The following PTPRF variants were observed in gnomAD, a reference collection of about 807,000 sequenced individuals.
The protein encoded by PTPRF is receptor-type tyrosine-protein phosphatase F.
In PTPRF, 59 loss-of-function variants were observed where a neutral mutation model predicts 201.8. The ratio of observed to expected loss-of-function variants is 0.29; its 90% CI spans 0.24 to 0.36. The LOEUF (loss-of-function observed/expected upper bound fraction) is 0.36, where lower values mean the gene tolerates loss of function less well. Ranked by LOEUF, PTPRF falls within the 10% of genes least tolerant of loss-of-function variation. The pLI is 1.00. For synonymous variants in PTPRF, 1,088 were observed against 1,089.7 expected, an observed-to-expected ratio of 1.00 and a Z score of 0.03; for missense variants, 2,132 against 2,690.5, an observed-to-expected ratio of 0.79 and a Z score of 4.59.
In PTPRF at chr1:43,613,676, C is replaced by G. The variant is rs747240097; in HGVS notation, c.4032C>G (p.Leu1344=). The change falls in exon 23 of 34, where the codon CTC becomes CTG. Residue 1344 remains leucine, a synonymous_variant. Coordinates refer to ENST00000359947, the MANE Select transcript of PTPRF (RefSeq NM_002840.5). The part of the protein sequence containing the change: ...ITDLADNIER[L]KANDGLKFSQ... ...ACCTGGCGGACAACATCGAGCGCCT[C>G]AAAGCCAACGATGGCCTCAAGTTCT... is the stretch of plus-strand genomic sequence containing the variant. The G allele has an allele frequency of 1.9e-6, 3 of 1,614,204 alleles. No homozygotes were observed. The highest frequency in any genetic ancestry group is 1.3e-5 in the African/African-American group (1 of 75,064).
intron 20 of PTPRF, among the ~76,000 whole-genome samples, 166 bp downstream of exon 20, chr1:43,606,624 C>T (rs1010200204): frequency 6.6e-6 from 1 of 152,138 alleles, no homozygotes; most frequent in Non-Finnish European, 1.5e-5. Flanking sequence ...TCCTAAGACG[C>T]GGCCCTGGGA....
Position 43,606,850 on chromosome 1 carries a change from G to C in PTPRF, c.3739G>C (p.Val1247Leu), listed in dbSNP as rs371253686. Residue 1247 changes from valine to leucine, a missense_variant, in exon 21 of 34, where the codon GTG (valine) becomes CTG (leucine). By Grantham distance (32) the Val-to-Leu change is conservative (BLOSUM62 1). This residue lies in a region of PTPRF where 818 missense variants were observed against 915.3 expected (regional missense o/e 0.89). Coordinates refer to ENST00000359947, the MANE Select transcript of PTPRF (RefSeq NM_002840.5). ...CTCCAGCCCCTACTCGGATGAGATC[G>C]TGGTCCAGGTGACACCAGCCCAGCA... ...YASSPYSDEI[V>L]VQVTPAQQQE... 141 of 1,613,990 alleles carry C rather than the reference G, an allele frequency of 8.7e-5. No homozygotes were observed. The highest frequency in any genetic ancestry group is 1.0e-4 in the Non-Finnish European group (120 of 1,180,040).
chr1:43,561,217 C>CCTGGG lies in PTPRF; in HGVS notation c.379+7286_379+7290dup, dbSNP rs1231974017. On this transcript the variant is annotated intron_variant, in intron 5 of 33. Transcript: ENST00000359947. ...GACATATGACCCTGTCCTGAGGTAT[C>CCTGGG]CTGGGCTGGGCTGGAACTGGAGCAG... is the stretch of plus-strand genomic sequence containing the variant. Among the ~76,000 whole-genome samples, 6 of 152,270 alleles carry CCTGGG rather than the reference C, an allele frequency of 3.9e-5. No individual in the cohort carries two copies. The East Asian group carries it at 7.7e-4, about 20-fold the overall frequency.
At chr1:43,605,102 T>TTCC in intron 17 of PTPRF, 88 bp from the exon 18 acceptor site, 4 of 1,576,486 alleles carry the variant, frequency 2.5e-6, no homozygotes, top group Non-Finnish European at 3.5e-6. Flanking sequence ...GGAGCAGGAA[T>TTCC]GTGGTTGTGT....
Position 43,554,027 on chromosome 1 carries a change from T to G in PTPRF, c.379+86T>G. On this transcript the variant is annotated intron_variant, in intron 5 of 33. Coordinates refer to ENST00000359947, the MANE Select transcript of PTPRF (RefSeq NM_002840.5). This position sits in a 1 kb window ranked among gnomAD's most constrained non-coding sequence, Gnocchi z 4.1. ...CAGCCCTGATCCTGTCCTGGGCCCA[T>G]GTGCATTTGGCAGAAAGGAGGACTG... 2 of 1,533,990 alleles carry G rather than the reference T, an allele frequency of 1.3e-6. No homozygotes were observed. Among genetic ancestry groups the G allele is most frequent in the Non-Finnish European group, 8.8e-7 (1 of 1,132,270 alleles).
rs1287556112 is a variant in PTPRF at position 43,621,999 on chromosome 1, C to T, written c.5720C>T (p.Thr1907Met). The change falls in exon 34 of 34, where the codon ACG becomes ATG. Residue 1907 changes from threonine to methionine, a missense_variant. Thr to Met is a moderately conservative substitution (Grantham distance 81). Around this residue, in one of 6 missense-constraint regions of PTPRF, gnomAD observed 519 missense variants for 659.5 expected, o/e 0.79. Coordinates refer to ENST00000359947, the MANE Select transcript of PTPRF (RefSeq NM_002840.5). ...CTCGGCAGCTTTGACCACTATGCAA[C>T]GTAACTACCGCTCCCCTCTCCTCCG... is the stretch of plus-strand genomic sequence containing the variant. ...EYLGSFDHYA[T>M] is the part of the protein sequence containing the mutation. The T allele has an allele frequency of 3.1e-6, 5 of 1,614,082 alleles. No individual in the cohort carries two copies. Among genetic ancestry groups the T allele is most frequent in the South Asian group, 1.1e-5 (1 of 91,084 alleles).
At chr1:43,584,947 T>C (rs751397057) in intron 7 of PTPRF, among the ~76,000 whole-genome samples, 4 of 152,230 alleles carry the variant, frequency 2.6e-5, no homozygotes, top group Non-Finnish European at 4.4e-5. Context: ...CGCCCTATTA[T>C]AGGGGGTTGT....
chr1:43,619,048 A>T lies in PTPRF; in HGVS notation c.4492A>T (p.Ser1498Cys). Residue 1498 changes from serine (S) to cysteine (C), a missense_variant and splice_region_variant, in exon 27 of 34, where the codon AGT (serine) becomes TGT (cysteine). By Grantham distance (112) the Ser-to-Cys change is moderately radical. Around this residue, in one of 6 missense-constraint regions of PTPRF, gnomAD observed 519 missense variants for 659.5 expected, o/e 0.79. Transcript: ENST00000359947. ...AGTATGTCCCCACTTTGTCCCCCAG[A>T]GTGGCTCCAGTGAGAAGCGCGAGCT... is the stretch of plus-strand genomic sequence containing the variant. ...YTVRTFALHKSGSSEKRELRQ... is the reference protein window; with the variant it reads ...YTVRTFALHKCGSSEKRELRQ... 6.2e-7 allele frequency: 1 copy of T among 1,612,522 alleles called. No homozygotes were observed. Among genetic ancestry groups the T allele is most frequent in the Non-Finnish European group, 8.5e-7 (1 of 1,178,784 alleles).
chr1:43,579,135 G>T, intron 7 of PTPRF: 1 of 705,826 alleles, frequency 1.4e-6, no homozygotes, highest in Non-Finnish European at 2.6e-6. Flanking sequence ...GCAGGCCCAT[G>T]GGGAAGCAGC....
chr1:43,545,043 GGGCTGTGGCT>G lies in PTPRF; in HGVS notation c.-24_-15del, dbSNP rs1383040065. On this transcript the variant is annotated 5_prime_UTR_variant, in exon 3 of 34. Transcript: ENST00000359947. ...CTCTCCATTACAGGTTGATTGTCCT[GGGCTGTGGCT>G]GGCTGTGGAGCTAGAGCCCTGGATG... The G allele has an allele frequency of 6.5e-7, 1 of 1,538,234 alleles. No homozygotes were observed. The highest frequency in any genetic ancestry group is 2.0e-5 in the Admixed American group (1 of 50,996).
rs1165766564 is a variant in PTPRF, at chr1:43,619,294, C to T, written c.4653C>T (p.Gly1551=). The part of the protein sequence containing the change: ...AGPMVVHCSA[G]VGRTGCFIVI... ...CTGAGCCCGTGTCCTGCAGCGCGGG[C>T]GTGGGCCGCACCGGCTGCTTCATCG... is the stretch of plus-strand genomic sequence containing the variant. The change falls in exon 28 of 34, where the codon GGC becomes GGT. Residue 1551 remains glycine (G), a synonymous_variant. Coordinates refer to ENST00000359947, the MANE Select transcript of PTPRF (RefSeq NM_002840.5). 1.9e-6 allele frequency: 3 copies of T among 1,613,210 alleles called. No individual in the cohort carries two copies. Among genetic ancestry groups the T allele is most frequent in the Admixed American group, 1.7e-5 (1 of 59,998 alleles).
chr1:43,612,622 G>C, intron 22 of PTPRF: 1 of 496,022 alleles, frequency 2.0e-6, no homozygotes, highest in Non-Finnish European at 3.6e-6. Context: ...GCCCCTCACC[G>C]CCCCCTCCTC....
At chr1:43,547,788 G>A (rs1373638908) in intron 3 of PTPRF, among the ~76,000 whole-genome samples, 3 of 152,258 alleles carry the variant, frequency 2.0e-5, no homozygotes, top group Admixed American at 6.5e-5. Flanking sequence ...AGTGCCGCAC[G>A]CGCAGCTCCA....
intron 5 of PTPRF, among the ~76,000 whole-genome samples, chr1:43,557,260 C>T (rs1014093064): frequency 3.3e-5 from 5 of 152,238 alleles, no homozygotes; most frequent in African/African-American, 4.8e-5. Context: ...CTGCCACTGC[C>T]CTGGGCAGCC....
chr1:43,613,472 G>A (rs1043404215), intron 22 of PTPRF, 146 bp from the exon 23 acceptor site: 21 of 707,580 alleles, frequency 3.0e-5, no homozygotes, highest in East Asian at 5.2e-5. Context: ...CCCTGTCGCC[G>A]CATGTGCTGC....
chr1:43,545,506 T>C (rs920217423), intron 3 of PTPRF, among the ~76,000 whole-genome samples: 1 of 152,080 alleles, frequency 6.6e-6, no homozygotes, highest in African/African-American at 2.4e-5. Flanking sequence ...AGGCACAGTG[T>C]GAGCTACAGC....
At chr1:43,567,554 C>T (rs1213091504) in intron 5 of PTPRF, among the ~76,000 whole-genome samples, 1 of 152,210 alleles carries the variant, frequency 6.6e-6, no homozygotes, top group African/African-American at 2.4e-5. Context: ...CTCTGCTCCT[C>T]ATGGGCCACA....
At chr1:43,587,730 G>C (rs764121074) in intron 7 of PTPRF, among the ~76,000 whole-genome samples, 1 of 152,180 alleles carries the variant, frequency 6.6e-6, no homozygotes, top group African/African-American at 2.4e-5. Flanking sequence ...GCCCGTGTAG[G>C]ACACACCCTG....
chr1:43,620,072 G>A, intron 29 of PTPRF, 23 bp from the exon 30 acceptor site: 1 of 1,613,358 alleles, frequency 6.2e-7, no homozygotes, highest in Non-Finnish European at 8.5e-7. Context: ...CCTCCAGCAT[G>A]TCCAGTCTTA....
Sources: allele counts gnomAD v4.1 joint callset (sites outside exome capture counted in the v4.1 genomes callset), GRCh38; gene constraint gnomAD v4.1.1; regional missense constraint gnomAD v4.1.1; non-coding constraint Gnocchi (gnomAD v3.1); transcripts MANE v1.5; gene names NCBI Gene and HGNC (gene_info 2026-07-23, HGNC 2026-07-21).